Variants in QSOX1 observed in about 807,000 individuals in gnomAD.
The protein encoded by QSOX1 is sulfhydryl oxidase 1.
In QSOX1, 40 loss-of-function variants were observed where a neutral mutation model predicts 76.1. The observed-to-expected ratio is 0.53, with a 90% CI of 0.41 to 0.68. QSOX1 has a LOEUF of 0.68. QSOX1 is among the 30% of genes least tolerant of loss of function. The pLI, the probability that QSOX1 is intolerant of heterozygous loss-of-function variation, is 0.00. For synonymous variants in QSOX1, 392 were observed against 413.1 expected, an observed-to-expected ratio of 0.95 and a Z score of 0.62; for missense variants, 931 against 974.3, an observed-to-expected ratio of 0.96 and a Z score of 0.59.
intron 1 of QSOX1, among the ~76,000 whole-genome samples, chr1:180,164,725 G>C (rs151190474): frequency 6.6e-6 from 1 of 152,208 alleles, no homozygotes; most frequent in Non-Finnish European, 1.5e-5. Flanking sequence ...CTGAGACGTC[G>C]TAAGGAGTAA....
chr1:180,170,837 A>G lies in QSOX1; in HGVS notation c.366+4246A>G, dbSNP rs184490364. On this transcript the variant is annotated intron_variant, in intron 2 of 11. Transcript: ENST00000367602. ...TCTCTGTTCAGCTGAACAGATGTCT[A>G]TTGAGAGATGCCAGACACTGTGGAG... is the stretch of plus-strand genomic sequence containing the variant. 6.9e-3 allele frequency among the ~76,000 whole-genome samples: 1,055 copies of G among 152,344 alleles called. 10 individuals carry two copies. The highest frequency in any genetic ancestry group is 0.024 in the African/African-American group (991 of 41,570).
intron 1 of QSOX1, among the ~76,000 whole-genome samples, chr1:180,155,965 T>C (rs1252963393): frequency 6.6e-6 from 1 of 152,184 alleles, no homozygotes; most frequent in Non-Finnish European, 1.5e-5. Flanking sequence ...CCATCAACTG[T>C]GAGACACACT....
chr1:180,192,851 GA>G (rs549472855), intron 10 of QSOX1, among the ~76,000 whole-genome samples: 49 of 152,150 alleles, frequency 3.2e-4, no homozygotes, highest in Non-Finnish European at 6.5e-4. Flanking sequence ...CCCTGGCAGG[GA>G]GGTAGAGAAG....
chr1:180,175,515 C>G, intron 3 of QSOX1, 149 bp downstream of exon 3: 1 of 830,950 alleles, frequency 1.2e-6, no homozygotes, highest in South Asian at 1.5e-5. Flanking sequence ...TGTGTCTTCC[C>G]AAAACTATCC....
chr1:180,196,586 C>T lies in QSOX1; in HGVS notation c.1793C>T (p.Ala598Val). ...ACAAACACCACCCCACATGTGCCGG[C>T]TGAGGGACCTGAGGCAAGTCGACCC... The part of the protein sequence containing the change: ...SPTNTTPHVP[A>V]EGPEASRPPK... The change falls in exon 12 of 12, where the codon GCT becomes GTT. Residue 598 changes from alanine to valine, a missense_variant. Transcript: ENST00000367602. This position sits in a 1 kb window ranked among gnomAD's most constrained non-coding sequence, Gnocchi z 4.1. 1 of 1,614,220 alleles carries T rather than the reference C, an allele frequency of 6.2e-7. No homozygotes were observed. Among genetic ancestry groups the T allele is most frequent in the Non-Finnish European group, 8.5e-7 (1 of 1,180,046 alleles).
At chr1:180,192,620 G>C (rs769930980) in intron 10 of QSOX1, among the ~76,000 whole-genome samples, 1 of 152,154 alleles carries the variant, frequency 6.6e-6, no homozygotes, top group Non-Finnish European at 1.5e-5. Context: ...TGGACTCCAG[G>C]GTTGTGGGGC....
chr1:180,196,485 G>A lies in QSOX1; in HGVS notation c.1692G>A (p.Leu564=), dbSNP rs1338860677. The change falls in exon 12 of 12, where the codon CTG becomes CTA. Residue 564 remains leucine (L), a synonymous_variant. Coordinates refer to ENST00000367602, the MANE Select transcript of QSOX1 (RefSeq NM_002826.5). This position sits in a 1 kb window ranked among gnomAD's most constrained non-coding sequence, Gnocchi z 4.1. ...AGAATGTGGCAGCCGCCCCAGAGCT[G>A]GCGATGGGAGCCCTGGAGCTGGAAA... ...DVQNVAAAPE[L]AMGALELESR... The A allele has an allele frequency of 6.2e-7, 1 of 1,613,928 alleles. No individual in the cohort carries two copies. The highest frequency in any genetic ancestry group is 8.5e-7 in the Non-Finnish European group (1 of 1,179,910).
At chr1:180,160,559 A>G (rs934559879) in intron 1 of QSOX1, among the ~76,000 whole-genome samples, 5 of 152,132 alleles carry the variant, frequency 3.3e-5, no homozygotes, top group African/African-American at 1.2e-4. Context: ...TGACAAATCC[A>G]ACAGTTTGTG....
At position 180,182,493 on chromosome 1, in the gene QSOX1, C is replaced by T. The variant is rs186137478; in HGVS notation, c.752+174C>T. On this transcript the variant is annotated intron_variant, in intron 6 of 11. Coordinates refer to ENST00000367602, the MANE Select transcript of QSOX1 (RefSeq NM_002826.5). ...GGCCAGCGCCTCCACCGTCAGGAGC[C>T]TGGGCCTGAAACGCTAACCCTGTTC... Among the ~76,000 whole-genome samples the T allele has an allele frequency of 1.7e-3, 260 of 152,304 alleles. 2 individuals carry two copies. The highest frequency in any genetic ancestry group is 1.2e-3 in the Non-Finnish European group (81 of 68,018).
intron 1 of QSOX1, among the ~76,000 whole-genome samples, chr1:180,165,089 A>G (rs2149231090): frequency 6.6e-6 from 1 of 152,338 alleles, no homozygotes. Context: ...CACCTCGTCT[A>G]ACATTGGAGA....
Position 180,202,287 on chromosome 1 carries a change from TGA to T in QSOX1, c.*5256_*5257del, listed in dbSNP as rs1663651541. 1 of 152,406 alleles carries T rather than the reference TGA, an allele frequency of 6.6e-6. No individual in the cohort carries two copies. Among genetic ancestry groups the T allele is most frequent in the East Asian group, 1.9e-4 (1 of 5,180 alleles). The allele number at this position is 152,406 out of a possible 1,614,324, so 9.4% of individuals were successfully genotyped here. On this transcript the variant is annotated 3_prime_UTR_variant, in exon 12 of 12. Coordinates refer to ENST00000367602, the MANE Select transcript of QSOX1 (RefSeq NM_002826.5). ...TGGCAAGACTTGGTCGTCTCTATAC[TGA>T]GAGAGCAAAAGCTCTTTTCCTGGGG...
chr1:180,184,426 C>CT (rs1399618086), intron 7 of QSOX1, among the ~76,000 whole-genome samples: 4 of 152,226 alleles, frequency 2.6e-5, no homozygotes, highest in African/African-American at 9.7e-5. Flanking sequence ...TTTTTGAGTA[C>CT]TCACTATGTG....
intron 2 of QSOX1, among the ~76,000 whole-genome samples, chr1:180,169,213 G>T (rs1662706920): frequency 1.3e-5 from 2 of 152,264 alleles, no homozygotes; most frequent in South Asian, 4.1e-4. Context: ...GTTGGCTGCA[G>T]GTTCTGGCTG....
rs185186155 is a variant in QSOX1 at position 180,195,244 on chromosome 1, G to A, written c.1468+852G>A. 3.3e-4 allele frequency among the ~76,000 whole-genome samples: 51 copies of A among 152,248 alleles called. 1 individual carries two copies. Among genetic ancestry groups the A allele is most frequent in the African/African-American group, 1.2e-3 (49 of 41,560 alleles). Reference sequence around the variant, plus strand: ...GCCAGGAGCCTGGGCCTGTCCCTGAGAGGCCAGAAGCAGGGTGGTTCCCTC... The same window carrying A: ...GCCAGGAGCCTGGGCCTGTCCCTGAAAGGCCAGAAGCAGGGTGGTTCCCTC... On this transcript the variant is annotated intron_variant, in intron 11 of 11. Transcript: ENST00000367602.
At chr1:180,184,920 G>A (rs543908272) in intron 7 of QSOX1, among the ~76,000 whole-genome samples, 3 of 152,292 alleles carry the variant, frequency 2.0e-5, no homozygotes, top group South Asian at 2.1e-4. Flanking sequence ...TGATCATTCC[G>A]TCATTATGAA....
At chr1:180,176,369 A>G (rs1662891930) in intron 4 of QSOX1, among the ~76,000 whole-genome samples, 2 of 152,148 alleles carry the variant, frequency 1.3e-5, no homozygotes, top group Admixed American at 1.3e-4. Context: ...TTCCCTCAAA[A>G]TGTTTGCGGG....
chr1:180,186,236 G>C, intron 8 of QSOX1, 54 bp downstream of exon 8: 1 of 1,463,130 alleles, frequency 6.8e-7, no homozygotes, highest in Non-Finnish European at 9.0e-7. Flanking sequence ...TGGTCAGTGT[G>C]CGTTCCTGTA....
In QSOX1 at chr1:180,201,451, C is replaced by G. The variant is rs1319306949; in HGVS notation, c.*4414C>G. ...AGTATCCTTCCACAGCATCCCTCCT[C>G]TTCCCCTTCAACACCCCTTTCACCC... is the stretch of plus-strand genomic sequence containing the variant. On this transcript the variant is annotated 3_prime_UTR_variant, in exon 12 of 12. Coordinates refer to ENST00000367602, the MANE Select transcript of QSOX1 (RefSeq NM_002826.5). The G allele has an allele frequency of 6.6e-6, 1 of 152,366 alleles. No homozygotes were observed. The highest frequency in any genetic ancestry group is 1.9e-4 in the East Asian group (1 of 5,186). The allele number at this position is 152,366 out of a possible 1,614,324, so 9.4% of individuals were successfully genotyped here.
intron 4 of QSOX1, among the ~76,000 whole-genome samples, chr1:180,178,037 C>T (rs1349590015): frequency 6.6e-6 from 1 of 152,162 alleles, no homozygotes; most frequent in Non-Finnish European, 1.5e-5. Flanking sequence ...GGAAGGAGCA[C>T]ATCTCCCCCT....
Sources: allele counts gnomAD v4.1 joint callset (sites outside exome capture counted in the v4.1 genomes callset), GRCh38; gene constraint gnomAD v4.1.1; non-coding constraint Gnocchi (gnomAD v3.1); transcripts MANE v1.5; gene names NCBI Gene and HGNC (gene_info 2026-07-23, HGNC 2026-07-21).